The following TTC28 variants were observed in gnomAD, a reference collection of about 807,000 sequenced individuals.
TTC28 encodes tetratricopeptide repeat domain 28.
TTC28 carries 61 observed loss-of-function variants against 198.0 expected under a neutral mutation model. The ratio of observed to expected loss-of-function variants is 0.31; its 90% CI spans 0.25 to 0.38. The LOEUF is 0.38. TTC28 is among the 10% of genes least tolerant of loss of function. The pLI is 1.00. For missense variants in TTC28, 2,678 were observed against 3,164.0 expected (o/e 0.85, Z 3.69); for synonymous variants, 1,171 against 1,297.8 (o/e 0.90, Z 2.10).
At chr22:28,158,762 C>T (rs981944869) in intron 6 of TTC28, among the ~76,000 whole-genome samples, 1 of 152,158 alleles carries the variant, frequency 6.6e-6, no homozygotes. Flanking sequence ...AAAATCACAT[C>T]AAAATTGATT....
At chr22:28,572,205 T>C (rs1189131923) in intron 2 of TTC28, among the ~76,000 whole-genome samples, 1 of 147,456 alleles carries the variant, frequency 6.8e-6, no homozygotes, top group Non-Finnish European at 1.5e-5. Flanking sequence ...TAGCCAGGCA[T>C]GGTGGTGCAC....
chr22:28,616,846 CA>C (rs111378415), intron 2 of TTC28, among the ~76,000 whole-genome samples: 1,886 of 132,106 alleles, frequency 0.014, 26 homozygotes, highest in African/African-American at 0.044. Context: ...GACCCTGTCT[CA>C]AAAAAAAAAA....
rs189778705 is a variant in TTC28 at position 28,547,073 on chromosome 22, C to A, written c.381+82479G>T. 2.0e-3 allele frequency among the ~76,000 whole-genome samples: 306 copies of A among 152,288 alleles called. 2 individuals carry two copies. Among genetic ancestry groups the A allele is most frequent in the African/African-American group, 6.4e-3 (265 of 41,556 alleles). The stretch of plus-strand genomic sequence containing the variant: ...ACAGTCAAAATATAAATATATAAAT[C>A]TGATTGCACGGGTTCATTTGTTAGG... On this transcript the variant is annotated intron_variant, in intron 2 of 22. Transcript: ENST00000397906.
At position 28,580,057 on chromosome 22, in the gene TTC28, G is replaced by T. The variant is rs752931894; in HGVS notation, c.381+49495C>A. On this transcript the variant is annotated intron_variant, in intron 2 of 22. Transcript: ENST00000397906. ...AACTAGATAAACAGATTATTTCAATGTATTGTGTTGATAAAGTCAGCAATA... is the reference window on the plus strand; with the variant it reads ...AACTAGATAAACAGATTATTTCAATTTATTGTGTTGATAAAGTCAGCAATA... 2.0e-5 allele frequency among the ~76,000 whole-genome samples: 3 copies of T among 151,982 alleles called. No individual in the cohort carries two copies. In the East Asian group the frequency reaches 5.8e-4, roughly 29 times the overall value.
intron 2 of TTC28, among the ~76,000 whole-genome samples, chr22:28,335,156 G>C (rs1165735393): frequency 1.3e-5 from 2 of 152,148 alleles, no homozygotes; most frequent in Admixed American, 6.5e-5. Context: ...CCAAAGATGA[G>C]AGAGTCATAG....
chr22:28,307,687 C>G (rs1569251220), intron 2 of TTC28, among the ~76,000 whole-genome samples: 1 of 152,148 alleles, frequency 6.6e-6, no homozygotes. Flanking sequence ...ATACAAATAA[C>G]ATATAATTAA....
intron 14 of TTC28, among the ~76,000 whole-genome samples, chr22:28,004,017 T>C (rs1286161220): frequency 6.6e-6 from 1 of 152,200 alleles, no homozygotes; most frequent in East Asian, 1.9e-4. Context: ...CTTAGAAAAC[T>C]AAAATGCACA....
At chr22:28,291,224 T>C (rs954788536) in intron 5 of TTC28, among the ~76,000 whole-genome samples, 4 of 151,834 alleles carry the variant, frequency 2.6e-5, no homozygotes, top group Admixed American at 6.6e-5. Flanking sequence ...AAAAGAATAA[T>C]GGTATAGGAC....
intron 5 of TTC28, among the ~76,000 whole-genome samples, chr22:28,214,562 C>A (rs1004706520): frequency 1.3e-5 from 2 of 152,160 alleles, no homozygotes; most frequent in South Asian, 4.1e-4. Context: ...CAAAGAAATG[C>A]AAATCAAAAC....
At chr22:28,335,589 T>G (rs9613593) in intron 2 of TTC28, among the ~76,000 whole-genome samples, 8,508 of 152,286 alleles carry the variant, frequency 0.056, 356 homozygotes, top group Admixed American at 0.14. Context: ...TATTTTATTC[T>G]CTTTGAAGCA....
chr22:28,553,023 G>A (rs371963818), intron 2 of TTC28, among the ~76,000 whole-genome samples: 3 of 152,132 alleles, frequency 2.0e-5, no homozygotes, highest in African/African-American at 4.8e-5. Flanking sequence ...TCCTAACCGC[G>A]AGTGATCCGC....
At chr22:28,027,033 C>T (rs1448447576) in intron 13 of TTC28, among the ~76,000 whole-genome samples, 1 of 152,182 alleles carries the variant, frequency 6.6e-6, no homozygotes, top group East Asian at 1.9e-4. Flanking sequence ...GTCTTTTCTA[C>T]AGCAAATGTG....
In TTC28 at chr22:28,320,459, G is replaced by A. The variant is rs113327122; in HGVS notation, c.382-13816C>T. Among the ~76,000 whole-genome samples, 30 of 152,194 alleles carry A rather than the reference G, an allele frequency of 2.0e-4. 1 individual carries two copies. Among genetic ancestry groups the A allele is most frequent in the South Asian group, 1.5e-3 (7 of 4,826 alleles). ...TATAATCTGACATAAATTGTACTTC[G>A]GGATTCCCGCCACTGCTAGAAAATG... is the stretch of plus-strand genomic sequence containing the variant. On this transcript the variant is annotated intron_variant, in intron 2 of 22. Transcript: ENST00000397906.
At chr22:28,392,810 G>T (rs150191302) in intron 2 of TTC28, among the ~76,000 whole-genome samples, 1 of 150,084 alleles carries the variant, frequency 6.7e-6, no homozygotes, top group Non-Finnish European at 1.5e-5. Context: ...CTTCTGCATC[G>T]CTCACGCTGG....
intron 2 of TTC28, among the ~76,000 whole-genome samples, chr22:28,386,685 G>A (rs1375461754): frequency 6.6e-6 from 1 of 152,152 alleles, no homozygotes; most frequent in African/African-American, 2.4e-5. Context: ...GTAAAAGGGA[G>A]AGAAGCCACT....
intron 2 of TTC28, among the ~76,000 whole-genome samples, chr22:28,510,357 G>A (rs182733671): frequency 7.0e-4 from 107 of 152,262 alleles, no homozygotes; most frequent in Non-Finnish European, 1.3e-3. Flanking sequence ...TGCAAGGTTG[G>A]TTCAACATAC....
intron 5 of TTC28, among the ~76,000 whole-genome samples, chr22:28,186,483 T>C (rs1338749406): frequency 2.0e-5 from 3 of 152,144 alleles, no homozygotes; most frequent in Non-Finnish European, 2.9e-5. Context: ...GTTTATTCCA[T>C]TCAGGGATAC....
intron 2 of TTC28, 86 bp downstream of exon 2, chr22:28,629,466 A>G: frequency 7.6e-7 from 1 of 1,320,470 alleles, no homozygotes; most frequent in Non-Finnish European, 1.0e-6. Flanking sequence ...TAGTAAGTAC[A>G]CTAAATCAAC....
intron 2 of TTC28, among the ~76,000 whole-genome samples, chr22:28,519,990 T>C (rs2048869705): frequency 6.6e-6 from 1 of 152,200 alleles, no homozygotes; most frequent in Non-Finnish European, 1.5e-5. Context: ...GAGAGTCCTT[T>C]GAGTATATCT....
Sources: gnomAD v4.1 joint callset for allele counts (sites outside exome capture counted in the v4.1 genomes callset) on GRCh38, gnomAD v4.1.1 for gene constraint, MANE v1.5 for transcripts, NCBI Gene and HGNC (gene_info 2026-07-23, HGNC 2026-07-21) for gene names.